The following MGMT variants were observed in gnomAD, a reference collection of about 807,000 sequenced individuals.
MGMT encodes methylated-DNA--protein-cysteine methyltransferase.
A neutral mutation model predicts 15.9 loss-of-function variants in MGMT; 14 were observed. That is an observed-to-expected ratio of 0.88 (90% confidence interval 0.58 to 1.37). The LOEUF is 1.37. Ranked by LOEUF, MGMT falls within the 40% of genes most tolerant of loss-of-function variation. MGMT has a pLI of 0.00. For synonymous variants in MGMT, 130 were observed against 118.2 expected (o/e 1.10, Z -0.65); for missense variants, 282 against 268.1 (o/e 1.05, Z -0.36).
At chr10:129,628,962 G>A (rs535756788) in intron 2 of MGMT, among the ~76,000 whole-genome samples, 7 of 152,178 alleles carry the variant, frequency 4.6e-5, no homozygotes, top group South Asian at 4.2e-4. Flanking sequence ...CTCTCTTCCC[G>A]CCCACTCCCA....
At chr10:129,675,970 G>A (rs992068439) in intron 2 of MGMT, among the ~76,000 whole-genome samples, 22 of 152,294 alleles carry the variant, frequency 1.4e-4, no homozygotes, top group African/African-American at 5.3e-4. Flanking sequence ...CAAGGTCCCG[G>A]CCATGTGTCA....
chr10:129,731,936 A>G (rs1269552245), intron 3 of MGMT, among the ~76,000 whole-genome samples: 1 of 152,046 alleles, frequency 6.6e-6, no homozygotes, highest in African/African-American at 2.4e-5. Flanking sequence ...GCCCCCAGAA[A>G]ACTCTTTTGT....
At chr10:129,607,268 G>A (rs540246436) in intron 2 of MGMT, among the ~76,000 whole-genome samples, 22 of 151,778 alleles carry the variant, frequency 1.4e-4, no homozygotes, top group Non-Finnish European at 2.5e-4. Context: ...GGAATATCCC[G>A]GGAAGAATTA....
At chr10:129,600,633 AAAATT>A (rs1337861610) in intron 2 of MGMT, among the ~76,000 whole-genome samples, 7 of 152,228 alleles carry the variant, frequency 4.6e-5, no homozygotes, top group Non-Finnish European at 7.3e-5. Context: ...TACTTGTTTG[AAAATT>A]AAATTAATCA....
intron 2 of MGMT, among the ~76,000 whole-genome samples, chr10:129,579,213 C>T (rs1199530315): frequency 6.6e-6 from 1 of 152,176 alleles, no homozygotes; most frequent in Non-Finnish European, 1.5e-5. Context: ...GTAACCCATT[C>T]CAAAAATTCA....
At chr10:129,623,477 G>C (rs555288079) in intron 2 of MGMT, among the ~76,000 whole-genome samples, 1 of 152,166 alleles carries the variant, frequency 6.6e-6, no homozygotes, top group African/African-American at 2.4e-5. Context: ...GCCCGTGCCT[G>C]GCATGCATTG....
intron 3 of MGMT, among the ~76,000 whole-genome samples, chr10:129,756,627 G>T (rs1564786234): frequency 6.6e-6 from 1 of 152,230 alleles, no homozygotes; most frequent in Admixed American, 6.5e-5. Context: ...GCACCACCAC[G>T]CCTGGCTAAT....
intron 2 of MGMT, among the ~76,000 whole-genome samples, chr10:129,604,702 C>T (rs1331868908): frequency 2.6e-5 from 4 of 151,806 alleles, no homozygotes; most frequent in Admixed American, 6.6e-5. Flanking sequence ...GGGGGTGCCC[C>T]TGCAGGCCCC....
At position 129,767,069 on chromosome 10, in the gene MGMT, A is replaced by C; in HGVS notation, c.*72A>C. On this transcript the variant is annotated 3_prime_UTR_variant, in exon 5 of 5. Coordinates refer to ENST00000651593, the MANE Select transcript of MGMT (RefSeq NM_002412.5). ...TGCATCGGATGCGGGGCGTGGAGGC[A>C]CCGCTGTATTAAAGGAAGTGGCAGT... 5 of 1,266,696 alleles carry C rather than the reference A, an allele frequency of 3.9e-6. No homozygotes were observed. Among genetic ancestry groups the C allele is most frequent in the Non-Finnish European group, 5.4e-6 (5 of 927,726 alleles). The allele number at this position is 1,266,696 out of a possible 1,614,324, so 78.5% of individuals were successfully genotyped here.
intron 3 of MGMT, among the ~76,000 whole-genome samples, chr10:129,745,711 A>T (rs1000732556): frequency 2.0e-5 from 3 of 152,210 alleles, no homozygotes; most frequent in African/African-American, 7.2e-5. Flanking sequence ...ATGGCCAGTT[A>T]TGTTGAACAT....
At chr10:129,719,088 G>A (rs188363305) in intron 3 of MGMT, among the ~76,000 whole-genome samples, 3 of 151,604 alleles carry the variant, frequency 2.0e-5, no homozygotes, top group East Asian at 3.9e-4. Context: ...CGATCTGTGT[G>A]CCCATTCAGC....
intron 2 of MGMT, among the ~76,000 whole-genome samples, chr10:129,638,202 A>G (rs1847283583): frequency 6.6e-6 from 1 of 151,948 alleles, no homozygotes; most frequent in Non-Finnish European, 1.5e-5. Flanking sequence ...ACGGTTTAGA[A>G]CTCAACCCGG....
At chr10:129,742,374 G>A (rs1320182360) in intron 3 of MGMT, among the ~76,000 whole-genome samples, 1 of 152,262 alleles carries the variant, frequency 6.6e-6, no homozygotes, top group African/African-American at 2.4e-5. Context: ...CTGGGATGGA[G>A]TCCCACCTCG....
At chr10:129,527,571 A>G (rs930126260) in intron 1 of MGMT, among the ~76,000 whole-genome samples, 4 of 144,234 alleles carry the variant, frequency 2.8e-5, no homozygotes, top group Admixed American at 1.4e-4. Flanking sequence ...TGGGTGTAGT[A>G]GGTGGTCGGC....
chr10:129,528,268 A>G (rs1257846876), intron 1 of MGMT, among the ~76,000 whole-genome samples: 4 of 152,062 alleles, frequency 2.6e-5, no homozygotes, highest in Admixed American at 6.5e-5. Context: ...AACCAGCCCA[A>G]CGTTCCTGTT....
At chr10:129,675,831 A>T (rs1847779323) in intron 2 of MGMT, among the ~76,000 whole-genome samples, 1 of 152,158 alleles carries the variant, frequency 6.6e-6, no homozygotes, top group Admixed American at 6.5e-5. Context: ...ACCATCGGGA[A>T]AAAGGGTGCC....
chr10:129,467,707 G>C (rs942504611), intron 1 of MGMT, among the ~76,000 whole-genome samples: 12 of 152,218 alleles, frequency 7.9e-5, no homozygotes, highest in Non-Finnish European at 1.5e-4. Flanking sequence ...AGCATACTTA[G>C]GCAGAGTCCC....
chr10:129,712,923 A>G (rs899924927), intron 3 of MGMT, among the ~76,000 whole-genome samples: 2 of 152,004 alleles, frequency 1.3e-5, no homozygotes, highest in Non-Finnish European at 2.9e-5. Context: ...AGCCCTCCTC[A>G]CCCGAGGGTC....
chr10:129,759,382 G>T lies in MGMT; in HGVS notation c.414+41G>T, dbSNP rs2308323. On this transcript the variant is annotated intron_variant, in intron 4 of 4. Coordinates refer to ENST00000651593, the MANE Select transcript of MGMT (RefSeq NM_002412.5). ...GCAAGCATGGCTGTGGGTGGCGGGTGCGTGCAGGTGGCAGGGTGTCATCTG... is the reference window on the plus strand; with the variant it reads ...GCAAGCATGGCTGTGGGTGGCGGGTTCGTGCAGGTGGCAGGGTGTCATCTG... 8,791 of 1,612,916 alleles carry T rather than the reference G, an allele frequency of 5.5e-3. 47 individuals are homozygous for T. The highest frequency in any genetic ancestry group is 6.0e-3 in the Non-Finnish European group (7,080 of 1,179,384).
Sources: gnomAD v4.1 joint callset for allele counts (sites outside exome capture counted in the v4.1 genomes callset) on GRCh38, gnomAD v4.1.1 for gene constraint, MANE v1.5 for transcripts, NCBI Gene and HGNC (gene_info 2026-07-23, HGNC 2026-07-21) for gene names.